The following DNER variants were observed in gnomAD, a reference collection of about 807,000 sequenced individuals.
DNER encodes the protein delta/notch like EGF repeat containing, also known as delta and Notch-like epidermal growth factor-related receptor.
In DNER, 33 loss-of-function variants were observed where a neutral mutation model predicts 78.2. The ratio of observed to expected loss-of-function variants is 0.42; its 90% CI spans 0.32 to 0.56. The LOEUF is 0.56. Ranked by LOEUF, DNER falls within the 20% of genes least tolerant of loss-of-function variation. DNER has a pLI of 0.11. For missense variants in DNER, 918 were observed against 975.3 expected, an observed-to-expected ratio of 0.94 and a Z score of 0.78; for synonymous variants, 417 against 384.8, an observed-to-expected ratio of 1.08 and a Z score of -0.98.
At position 229,591,524 on chromosome 2, in the gene DNER, T is replaced by G; in HGVS notation, c.585+56A>C. 6.5e-7 allele frequency: 1 copy of G among 1,536,822 alleles called. No individual in the cohort carries two copies. On this transcript the variant is annotated intron_variant, in intron 2 of 12. Coordinates refer to ENST00000341772, the MANE Select transcript of DNER (RefSeq NM_139072.4). The surrounding 1 kb of genome is among the most constrained non-coding windows in gnomAD (Gnocchi z 4.6). ...ATTGCTGATACTAGAACCGCTGGAG[T>G]CACTTTAAGATTTCTGGTTTCTAAT...
At chr2:229,477,738 T>A (rs576212549) in intron 6 of DNER, among the ~76,000 whole-genome samples, 2 of 152,348 alleles carry the variant, frequency 1.3e-5, no homozygotes, top group East Asian at 3.9e-4. Flanking sequence ...ATAACCCACC[T>A]GTGTTAATTC....
At chr2:229,529,448 C>T (rs986670841) in intron 5 of DNER, among the ~76,000 whole-genome samples, 2 of 152,198 alleles carry the variant, frequency 1.3e-5, no homozygotes, top group East Asian at 1.9e-4. Flanking sequence ...CACACTTCCT[C>T]GGAAGATTGT....
chr2:229,655,950 A>G (rs1698904368), intron 1 of DNER, among the ~76,000 whole-genome samples: 1 of 152,166 alleles, frequency 6.6e-6, no homozygotes, highest in Non-Finnish European at 1.5e-5. Flanking sequence ...AAGGAATACC[A>G]GAAACCACTA....
intron 11 of DNER, among the ~76,000 whole-genome samples, chr2:229,378,834 T>A (rs1692668537): frequency 6.6e-6 from 1 of 152,272 alleles, no homozygotes; most frequent in Non-Finnish European, 1.5e-5. Flanking sequence ...GTGTGCACTC[T>A]GGATCCTCAG....
At position 229,500,971 on chromosome 2, in the gene DNER, T is replaced by C. The variant is rs79608362; in HGVS notation, c.1147+11812A>G. 3.4e-3 allele frequency among the ~76,000 whole-genome samples: 518 copies of C among 152,168 alleles called. 2 individuals carry two copies. The Middle Eastern group carries it at 0.037, about 11-fold the overall frequency. On this transcript the variant is annotated intron_variant, in intron 6 of 12. Coordinates refer to ENST00000341772, the MANE Select transcript of DNER (RefSeq NM_139072.4). ...ATGTTTGGTTTTCAAAAGAAGAAAATTGTGTCATCTACAACAACATGAATC... is the reference window on the plus strand; with the variant it reads ...ATGTTTGGTTTTCAAAAGAAGAAAACTGTGTCATCTACAACAACATGAATC...
chr2:229,595,284 A>ATTTT (rs11389038), intron 1 of DNER, among the ~76,000 whole-genome samples: 1 of 145,714 alleles, frequency 6.9e-6, no homozygotes, highest in Non-Finnish European at 1.5e-5. Context: ...GTATTCACTA[A>ATTTT]TTTTTTTTTT....
chr2:229,655,640 A>G (rs1698899871), intron 1 of DNER, among the ~76,000 whole-genome samples: 1 of 152,184 alleles, frequency 6.6e-6, no homozygotes, highest in Admixed American at 6.5e-5. Flanking sequence ...CTGAACGGTG[A>G]CCACCCCCAC....
intron 5 of DNER, among the ~76,000 whole-genome samples, chr2:229,537,680 T>A (rs952274059): frequency 3.9e-5 from 6 of 152,218 alleles, no homozygotes; most frequent in East Asian, 1.9e-4. Context: ...GGGACATACA[T>A]TTCAACCTTC....
intron 5 of DNER, among the ~76,000 whole-genome samples, chr2:229,514,329 A>C (rs930148314): frequency 1.3e-5 from 2 of 152,220 alleles, no homozygotes; most frequent in African/African-American, 2.4e-5. Context: ...TAATAAGTCC[A>C]TAACAATTGC....
At chr2:229,694,153 G>C (rs1446377084) in intron 1 of DNER, among the ~76,000 whole-genome samples, 3 of 152,244 alleles carry the variant, frequency 2.0e-5, no homozygotes, top group Non-Finnish European at 4.4e-5. Context: ...CTTACATGTG[G>C]TGTTGAGCCT....
At chr2:229,428,938 TAGAA>T (rs746446456) in intron 8 of DNER, among the ~76,000 whole-genome samples, 1 of 151,262 alleles carries the variant, frequency 6.6e-6, no homozygotes, top group Non-Finnish European at 1.5e-5. Context: ...GAAAGAGACA[TAGAA>T]AGAGAAAAAG....
At chr2:229,387,884 TG>T (rs1692928619) in intron 11 of DNER, among the ~76,000 whole-genome samples, 2 of 127,004 alleles carry the variant, frequency 1.6e-5, no homozygotes, top group African/African-American at 5.3e-5. Context: ...TGTGTGTGTG[TG>T]TGTGTGTTTT....
At chr2:229,474,802 TCCTTCTCAGG>T (rs1245822973) in intron 7 of DNER, among the ~76,000 whole-genome samples, 1 of 152,088 alleles carries the variant, frequency 6.6e-6, no homozygotes, top group Non-Finnish European at 1.5e-5. Context: ...ACCACCTTGC[TCCTTCTCAGG>T]CCTCCTCCAT....
At chr2:229,499,601 C>T (rs56395401) in intron 6 of DNER, among the ~76,000 whole-genome samples, 101,662 of 151,366 alleles carry the variant, frequency 0.67, 34,621 homozygotes, top group South Asian at 0.82. Flanking sequence ...AAATATCAGA[C>T]CTGAAACTGT....
At chr2:229,473,307 T>C (rs1214186477) in intron 7 of DNER, among the ~76,000 whole-genome samples, 4 of 152,240 alleles carry the variant, frequency 2.6e-5, no homozygotes, top group Admixed American at 2.6e-4. Context: ...CTTATGATTA[T>C]GGTTACAAAG....
intron 6 of DNER, among the ~76,000 whole-genome samples, chr2:229,487,497 TTAAG>T (rs1456169787): frequency 6.6e-6 from 1 of 152,248 alleles, no homozygotes; most frequent in African/African-American, 2.4e-5. Context: ...AGATATTTCA[TTAAG>T]TATGTCCTGA....
chr2:229,485,316 C>T (rs1400841711), intron 6 of DNER, among the ~76,000 whole-genome samples: 2 of 152,136 alleles, frequency 1.3e-5, no homozygotes, highest in Middle Eastern at 3.2e-3. Context: ...CAAAGCCTGG[C>T]AGTGAGTAAA....
chr2:229,589,909 CAAAAAA>C (rs34805706), intron 2 of DNER, among the ~76,000 whole-genome samples: 1 of 137,420 alleles, frequency 7.3e-6, no homozygotes, highest in Non-Finnish European at 1.6e-5. Context: ...TGTGGTAATA[CAAAAAA>C]AAAAAAAAAG....
intron 9 of DNER, among the ~76,000 whole-genome samples, chr2:229,414,586 C>T (rs558013758): frequency 2.0e-5 from 3 of 152,178 alleles, no homozygotes; most frequent in Admixed American, 6.5e-5. Flanking sequence ...CACTTGTATG[C>T]CTTTCAGTCT....
Sources: gnomAD v4.1 joint callset for allele counts (sites outside exome capture counted in the v4.1 genomes callset) on GRCh38, gnomAD v4.1.1 for gene constraint, Gnocchi (gnomAD v3.1) non-coding constraint, MANE v1.5 for transcripts, NCBI Gene and HGNC (gene_info 2026-07-23, HGNC 2026-07-21) for gene names.